Variants in NEDD1 observed in about 807,000 individuals in gnomAD.
The protein encoded by NEDD1 is protein NEDD1.
Under a neutral mutation model 74.0 loss-of-function variants are expected in NEDD1, and 33 were observed. That is an observed-to-expected ratio of 0.45 (90% confidence interval 0.34 to 0.60). The LOEUF (loss-of-function observed/expected upper bound fraction) is 0.60. NEDD1 is among the 20% of genes least tolerant of loss of function. The pLI is 0.01. For synonymous variants in NEDD1, 250 were observed against 264.4 expected (o/e 0.95, Z 0.53); for missense variants, 746 against 776.5 (o/e 0.96, Z 0.47).
Position 96,929,647 on chromosome 12 carries a change from T to C in NEDD1, c.490-5329T>C, listed in dbSNP as rs560955765. 1.1e-4 allele frequency among the ~76,000 whole-genome samples: 16 copies of C among 150,130 alleles called. No individual in the cohort carries two copies. The South Asian group carries it at 3.4e-3, about 32-fold the overall frequency. On this transcript the variant is annotated intron_variant, in intron 6 of 15. Transcript: ENST00000266742. Reference sequence around the variant, plus strand: ...TATTTTTTTTTTAATGGCTGCTTGCTTTCTGGGGTTCCCTGACTCTGCTCT... The same window carrying C: ...TATTTTTTTTTTAATGGCTGCTTGCCTTCTGGGGTTCCCTGACTCTGCTCT...
chr12:96,950,373 A>G (rs930457680), intron 14 of NEDD1, among the ~76,000 whole-genome samples: 2 of 151,052 alleles, frequency 1.3e-5, no homozygotes, highest in Non-Finnish European at 2.9e-5. Flanking sequence ...TTGTAAAAGT[A>G]TACACTTGAG....
Position 96,912,806 on chromosome 12 carries a change from C to T in NEDD1, c.220C>T (p.Leu74Phe). Residue 74 changes from leucine to phenylalanine, a missense_variant, in exon 4 of 16, where the codon CTT becomes TTT. Leu to Phe is a conservative substitution (Grantham distance 22). This residue lies in a region of NEDD1 where 706 missense variants were observed against 706.7 expected (regional missense o/e 1.00). Transcript: ENST00000266742. Reference protein sequence around the residue: ...CKCKPVPLLELAEGQKQTCVN... With the variant: ...CKCKPVPLLEFAEGQKQTCVN... ...ATGTAAACCTGTTCCACTTTTAGAG[C>T]TTGCTGAAGGGGTAAGTGATTTTTT... The T allele has an allele frequency of 6.3e-7, 1 of 1,579,920 alleles. No homozygotes were observed. Among genetic ancestry groups the T allele is most frequent in the Non-Finnish European group, 8.7e-7 (1 of 1,153,354 alleles).
chr12:96,945,061 T>C (rs1449655152), intron 13 of NEDD1, among the ~76,000 whole-genome samples: 1 of 152,004 alleles, frequency 6.6e-6, no homozygotes, highest in Non-Finnish European at 1.5e-5. Flanking sequence ...ATAGAATTAT[T>C]ATGTAGGACC....
At chr12:96,911,020 A>T (rs1455909639) in intron 3 of NEDD1, among the ~76,000 whole-genome samples, 1 of 152,204 alleles carries the variant, frequency 6.6e-6, no homozygotes, top group Non-Finnish European at 1.5e-5. Context: ...AATTAAATTT[A>T]CCTCCTTATC....
chr12:96,933,733 A>G (rs1039198992), intron 6 of NEDD1, among the ~76,000 whole-genome samples: 4 of 151,948 alleles, frequency 2.6e-5, no homozygotes, highest in Non-Finnish European at 5.9e-5. Context: ...GAGCTAATAT[A>G]TATTATTTGA....
Position 96,936,695 on chromosome 12 carries a change from C to A in NEDD1, c.804C>A (p.Ser268=), listed in dbSNP as rs755394077. 6.2e-7 allele frequency: 1 copy of A among 1,613,358 alleles called. No homozygotes were observed. Among genetic ancestry groups the A allele is most frequent in the Non-Finnish European group, 8.5e-7 (1 of 1,179,414 alleles). The change falls in exon 8 of 16, where the codon TCC becomes TCA. Residue 268 remains serine (S), a synonymous_variant. Transcript: ENST00000266742. The part of the protein sequence containing the change: ...PDGATLAIGS[S]RGKIYQYDLR... ...GAGCCACTTTGGCTATTGGATCTTC[C>A]CGGGGGAAAATATATCAATATGATT...
chr12:96,908,416 AG>A (rs991984244), intron 2 of NEDD1, among the ~76,000 whole-genome samples: 1 of 151,904 alleles, frequency 6.6e-6, no homozygotes, highest in African/African-American at 2.4e-5. Flanking sequence ...TTTCCATACT[AG>A]GAAGGTGTGG....
At chr12:96,941,223 A>G (rs946073368) in intron 10 of NEDD1, among the ~76,000 whole-genome samples, 3 of 152,098 alleles carry the variant, frequency 2.0e-5, no homozygotes, top group African/African-American at 7.2e-5. Flanking sequence ...TACTCAGAGA[A>G]GCCCACAAAG....
intron 5 of NEDD1, among the ~76,000 whole-genome samples, chr12:96,918,478 A>G: frequency 6.6e-6 from 1 of 152,166 alleles, no homozygotes. Context: ...TCTCCCATGT[A>G]AGCTTCACTT....
chr12:96,936,544 A>G, intron 7 of NEDD1, 67 bp from the exon 8 acceptor site: 1 of 1,061,378 alleles, frequency 9.4e-7, no homozygotes, highest in South Asian at 1.3e-5. Context: ...GTATATAGTT[A>G]CTTATATAAG....
intron 3 of NEDD1, among the ~76,000 whole-genome samples, chr12:96,910,833 T>C (rs1230912635): frequency 2.0e-5 from 3 of 152,230 alleles, no homozygotes; most frequent in Non-Finnish European, 4.4e-5. Flanking sequence ...ATACGCTATT[T>C]CTTAACAAAT....
chr12:96,942,906 A>G (rs1217728596), intron 11 of NEDD1, among the ~76,000 whole-genome samples: 3 of 62,452 alleles, frequency 4.8e-5, no homozygotes, highest in Non-Finnish European at 1.3e-4. Flanking sequence ...GGCTGGAGAT[A>G]TCAGTTCCAT....
intron 4 of NEDD1, among the ~76,000 whole-genome samples, chr12:96,916,292 A>G (rs2136520433): frequency 6.7e-6 from 1 of 148,972 alleles, no homozygotes; most frequent in Admixed American, 6.7e-5. Flanking sequence ...TTTAGGGTAC[A>G]TGTGCACATT....
chr12:96,933,665 GT>G (rs972376564), intron 6 of NEDD1, among the ~76,000 whole-genome samples: 2 of 148,750 alleles, frequency 1.3e-5, no homozygotes, highest in Non-Finnish European at 3.0e-5. Context: ...ACTCCTTTTT[GT>G]TTTTTTTTCT....
intron 14 of NEDD1, among the ~76,000 whole-genome samples, chr12:96,948,664 G>T (rs1878427014): frequency 6.6e-6 from 1 of 152,184 alleles, no homozygotes; most frequent in African/African-American, 2.4e-5. Context: ...CTATTAAGAA[G>T]ATTTAAGTTT....
At chr12:96,924,144 A>ATTACAT (rs1233645045) in intron 6 of NEDD1, among the ~76,000 whole-genome samples, 2 of 152,178 alleles carry the variant, frequency 1.3e-5, no homozygotes, top group Non-Finnish European at 2.9e-5. Flanking sequence ...TCCCCACTGA[A>ATTACAT]TTACATTAAT....
intron 5 of NEDD1, among the ~76,000 whole-genome samples, chr12:96,918,991 G>A (rs944493443): frequency 3.3e-5 from 5 of 152,092 alleles, no homozygotes; most frequent in African/African-American, 1.2e-4. Context: ...TAATATAAGT[G>A]GAATATCATA....
chr12:96,950,255 A>G (rs1173918709), intron 14 of NEDD1, among the ~76,000 whole-genome samples: 1 of 152,030 alleles, frequency 6.6e-6, no homozygotes, highest in Non-Finnish European at 1.5e-5. Context: ...AAATGGGAAA[A>G]TATAAAAAAT....
At chr12:96,911,049 A>T (rs1165181734) in intron 3 of NEDD1, among the ~76,000 whole-genome samples, 1 of 152,250 alleles carries the variant, frequency 6.6e-6, no homozygotes, top group Non-Finnish European at 1.5e-5. Flanking sequence ...ATTTTGCAGT[A>T]AAACAAATTA....
Sources: allele counts gnomAD v4.1 joint callset (sites outside exome capture counted in the v4.1 genomes callset), GRCh38; gene constraint gnomAD v4.1.1; regional missense constraint gnomAD v4.1.1; transcripts MANE v1.5; gene names NCBI Gene and HGNC (gene_info 2026-07-23, HGNC 2026-07-21).